UGT1A9: variants seen among roughly 807,000 people sequenced by gnomAD.
The protein encoded by UGT1A9 is UDP-glucuronosyltransferase 1A9.
UGT1A9 carries 35 observed loss-of-function variants against 45.0 expected under a neutral mutation model. That is an observed-to-expected ratio of 0.78 (90% CI 0.59 to 1.03). The LOEUF (loss-of-function observed/expected upper bound fraction) is 1.03. UGT1A9 is among the 50% of genes least tolerant of loss of function. The pLI is 0.00. For synonymous variants in UGT1A9, 278 were observed against 250.6 expected, an observed-to-expected ratio of 1.11 and a Z score of -1.03; for missense variants, 687 against 666.6, an observed-to-expected ratio of 1.03 and a Z score of -0.34.
chr2:233,726,251 G>A (rs1242406933), intron 1 of UGT1A9, among the ~76,000 whole-genome samples: 1 of 152,170 alleles, frequency 6.6e-6, no homozygotes, highest in African/African-American at 2.4e-5. Flanking sequence ...TGAAAAGCTG[G>A]GTGCAGTGGC....
At chr2:233,724,310 G>A (rs1212736933) in intron 1 of UGT1A9, among the ~76,000 whole-genome samples, 12 of 140,982 alleles carry the variant, frequency 8.5e-5, no homozygotes, top group African/African-American at 1.3e-4. Context: ...CCTCCCTCCC[G>A]GACGGGGCGG....
rs753373133 is a variant in UGT1A9, at chr2:233,768,431, T to C, written c.1287T>C (p.Asn429=). The change falls in exon 4 of 5, where the codon AAT becomes AAC. Residue 429 remains asparagine (N), a synonymous_variant. Coordinates refer to ENST00000354728, the MANE Select transcript of UGT1A9 (RefSeq NM_021027.3). ...AAAATGCTCTAAAAGCAGTCATCAA[T>C]GACAAAAGGTAAGAAAGAAGATACA... The part of the protein sequence containing the change: ...DLENALKAVI[N]DKSYKENIMR... 2 of 1,613,926 alleles carry C rather than the reference T, an allele frequency of 1.2e-6. No homozygotes were observed. The highest frequency in any genetic ancestry group is 1.7e-6 in the Non-Finnish European group (2 of 1,179,924).
At chr2:233,713,138 G>T (rs753871977) in intron 1 of UGT1A9, 31 of 1,614,080 alleles carry the variant, frequency 1.9e-5, no homozygotes, top group Non-Finnish European at 2.5e-5. Flanking sequence ...AGGCCTTGCG[G>T]GACCTCCATG....
At chr2:233,675,300 T>C (rs1005490200) in intron 1 of UGT1A9, among the ~76,000 whole-genome samples, 2 of 152,210 alleles carry the variant, frequency 1.3e-5, no homozygotes, top group Non-Finnish European at 2.9e-5. Context: ...TCCAGCGTTC[T>C]AATGTGTGTG....
chr2:233,722,992 G>T (rs183532563), intron 1 of UGT1A9, among the ~76,000 whole-genome samples: 4,843 of 146,624 alleles, frequency 0.033, 98 homozygotes, highest in African/African-American at 0.049. Flanking sequence ...GTCTCAGCGT[G>T]GCAGAGGCAG....
At chr2:233,693,873 G>C (rs2075185682) in intron 1 of UGT1A9, 3 of 1,614,124 alleles carry the variant, frequency 1.9e-6, no homozygotes, top group South Asian at 1.1e-5. Context: ...CAGGTTGGTG[G>C]GTTTATTTCT....
intron 1 of UGT1A9, among the ~76,000 whole-genome samples, chr2:233,759,071 G>A (rs574786378): frequency 6.6e-6 from 1 of 152,312 alleles, no homozygotes; most frequent in South Asian, 2.1e-4. Context: ...AAGGAATTTG[G>A]AAGAAAGAGA....
chr2:233,693,120 G>A, intron 1 of UGT1A9: 1 of 1,614,180 alleles, frequency 6.2e-7, no homozygotes, highest in Non-Finnish European at 8.5e-7. Flanking sequence ...GGAAGCCACT[G>A]GCTTAGTATG....
rs542225006 is a variant in UGT1A9 at position 233,769,560 on chromosome 2, G to A, written c.1295+1121G>A. 3.2e-5 allele frequency: 51 copies of A among 1,612,868 alleles called. No individual in the cohort carries two copies. The African/African-American group carries it at 6.7e-4, about 21-fold the overall frequency. The stretch of plus-strand genomic sequence containing the variant: ...AAGCAGCAGTCAGGAAGACAGATGT[G>A]AAGAGCTGGAGCATGTTCAGATGAG... On this transcript the variant is annotated intron_variant, in intron 4 of 4. Transcript: ENST00000354728. The surrounding 1 kb of genome is among the most constrained non-coding windows in gnomAD (Gnocchi z 4.4).
At chr2:233,679,555 G>A (rs1317716484) in intron 1 of UGT1A9, among the ~76,000 whole-genome samples, 1 of 151,276 alleles carries the variant, frequency 6.6e-6, no homozygotes, top group African/African-American at 2.4e-5. Context: ...CTTTTTTTTT[G>A]TTTGTTTGTT....
chr2:233,727,033 A>G (rs2077579512), intron 1 of UGT1A9, among the ~76,000 whole-genome samples: 1 of 152,190 alleles, frequency 6.6e-6, no homozygotes, highest in Admixed American at 6.5e-5. Flanking sequence ...ACCCTAAGGA[A>G]TCTTTACCCC....
chr2:233,730,094 A>T, intron 1 of UGT1A9: 1 of 1,593,062 alleles, frequency 6.3e-7, no homozygotes, highest in Non-Finnish European at 8.5e-7. Context: ...ATCTTTCCAA[A>T]TATTTCATTT....
rs201395034 is a variant in UGT1A9, at chr2:233,672,002, C to T, written c.68C>T (p.Ala23Val). The change falls in exon 1 of 5, where the codon GCC becomes GTC. Residue 23 changes from alanine (A) to valine (V), a missense_variant. Coordinates refer to ENST00000354728, the MANE Select transcript of UGT1A9 (RefSeq NM_021027.3). Reference sequence around the variant, plus strand: ...TGTCTGCTGCTGACCTGTGGCTTTGCCGAGGCAGGGAAGCTACTGGTAGTG... The same window carrying T: ...TGTCTGCTGCTGACCTGTGGCTTTGTCGAGGCAGGGAAGCTACTGGTAGTG... ...CVCLLLTCGF[A>V]EAGKLLVVPM... 13 of 1,614,092 alleles carry T rather than the reference C, an allele frequency of 8.1e-6. No individual in the cohort carries two copies. Among genetic ancestry groups the T allele is most frequent in the African/African-American group, 1.3e-5 (1 of 75,030 alleles).
At position 233,769,958 on chromosome 2, in the gene UGT1A9, G is replaced by T. The variant is rs1575848035; in HGVS notation, c.1295+1519G>T. 1 of 216,598 alleles carries T rather than the reference G, an allele frequency of 4.6e-6. No individual in the cohort carries two copies. The highest frequency in any genetic ancestry group is 1.1e-4 in the South Asian group (1 of 9,406). The allele number at this position is 216,598 out of a possible 1,614,324, so 13.4% of individuals were successfully genotyped here. On this transcript the variant is annotated intron_variant, in intron 4 of 4. Coordinates refer to ENST00000354728, the MANE Select transcript of UGT1A9 (RefSeq NM_021027.3). The surrounding 1 kb of genome is among the most constrained non-coding windows in gnomAD (Gnocchi z 4.4). Reference sequence around the variant, plus strand: ...TTCCTTCCTTCCAGCGGCTTCTTCTGGCCACCTCAATGTCAGGATGTCCTG... The same window carrying T: ...TTCCTTCCTTCCAGCGGCTTCTTCTTGCCACCTCAATGTCAGGATGTCCTG...
At chr2:233,719,812 C>T (rs2125672172) in intron 1 of UGT1A9, 1 of 1,587,558 alleles carries the variant, frequency 6.3e-7, no homozygotes, top group South Asian at 1.1e-5. Flanking sequence ...TTCTTTATAA[C>T]AGATAAACTG....
rs551497641 is a variant in UGT1A9 at position 233,769,657 on chromosome 2, C to T, written c.1295+1218C>T. ...GGGAGGACTGATGACTGACTTCCCA[C>T]CTTTGAGGTGCTAATGTGTGTGTGG... On this transcript the variant is annotated intron_variant, in intron 4 of 4. Transcript: ENST00000354728. This position sits in a 1 kb window ranked among gnomAD's most constrained non-coding sequence, Gnocchi z 4.4. 6.2e-7 allele frequency: 1 copy of T among 1,602,246 alleles called. No individual in the cohort carries two copies. Among genetic ancestry groups the T allele is most frequent in the African/African-American group, 1.3e-5 (1 of 74,712 alleles).
At chr2:233,694,947 T>A (rs1431838527) in intron 1 of UGT1A9, among the ~76,000 whole-genome samples, 1 of 152,222 alleles carries the variant, frequency 6.6e-6, no homozygotes, top group Non-Finnish European at 1.5e-5. Flanking sequence ...AATTGAGATA[T>A]CCATCACCTT....
rs35003977 is a variant in UGT1A9, at chr2:233,760,961, T to G, written c.856-6073T>G. 783 of 1,614,200 alleles carry G rather than the reference T, an allele frequency of 4.9e-4. 4 individuals are homozygous for G. The highest frequency in any genetic ancestry group is 3.5e-3 in the Middle Eastern group (21 of 6,062). On this transcript the variant is annotated intron_variant, in intron 1 of 4. Coordinates refer to ENST00000354728, the MANE Select transcript of UGT1A9 (RefSeq NM_021027.3). ...TTTTCACAGAACTTTCTGTGCGACG[T>G]GGTTTATTCCCCGTATGCAACCCTT...
chr2:233,691,425 T>G, intron 1 of UGT1A9: 10 of 985,586 alleles, frequency 1.0e-5, no homozygotes, highest in Non-Finnish European at 1.2e-5. Context: ...CCTCTAATCA[T>G]GTTGCTCAGG....
Sources: gnomAD v4.1 joint callset for allele counts (sites outside exome capture counted in the v4.1 genomes callset) on GRCh38, gnomAD v4.1.1 for gene constraint, Gnocchi (gnomAD v3.1) non-coding constraint, MANE v1.5 for transcripts, NCBI Gene and HGNC (gene_info 2026-07-23, HGNC 2026-07-21) for gene names.